Variants in TTLL5 observed in about 807,000 individuals in gnomAD.
TTLL5 encodes tubulin tyrosine ligase like 5, also known as tubulin polyglutamylase TTLL5.
A neutral mutation model predicts 168.4 loss-of-function variants in TTLL5; 132 were observed. The ratio of observed to expected loss-of-function variants is 0.78; its 90% confidence interval spans 0.68 to 0.91. The LOEUF (loss-of-function observed/expected upper bound fraction) is 0.91, where lower values mean the gene tolerates loss of function less well. Ranked by LOEUF, TTLL5 falls within the 40% of genes least tolerant of loss-of-function variation. The pLI is 0.00. For missense variants in TTLL5, 1,545 were observed against 1,581.5 expected (o/e 0.98, Z 0.39); for synonymous variants, 546 against 558.6 (o/e 0.98, Z 0.32).
chr14:75,830,842 T>C (rs1595115692), intron 28 of TTLL5, among the ~76,000 whole-genome samples: 2 of 152,154 alleles, frequency 1.3e-5, no homozygotes, highest in African/African-American at 4.8e-5. Context: ...CACACAGGGC[T>C]CAGTTTATTG....
At chr14:75,702,240 C>G (rs377698482) in intron 7 of TTLL5, among the ~76,000 whole-genome samples, 2 of 152,238 alleles carry the variant, frequency 1.3e-5, no homozygotes, top group Non-Finnish European at 2.9e-5. Context: ...CCCTGAGTCT[C>G]CTGTGACATA....
At position 75,681,581 on chromosome 14, in the gene TTLL5, A is replaced by G. The variant is rs1212233539; in HGVS notation, c.218A>G (p.Asp73Gly). The part of the protein sequence containing the change: ...YHLSYKIVRT[D>G]SRLVRSILTA... ...TTGTCTTATAAGATTGTACGAACGG[A>G]CAGTCGCCTAGTACGCAGCATTCTG... The change falls in exon 4 of 32, where the codon GAC becomes GGC. Residue 73 changes from aspartate (D) to glycine (G), a missense_variant. By Grantham distance (94) the Asp-to-Gly change is moderately conservative (BLOSUM62 -1). Coordinates refer to ENST00000298832, the MANE Select transcript of TTLL5 (RefSeq NM_015072.5). The G allele has an allele frequency of 9.3e-6, 15 of 1,613,528 alleles. No individual in the cohort carries two copies. Among genetic ancestry groups the G allele is most frequent in the Non-Finnish European group, 1.3e-5 (15 of 1,179,942 alleles).
At chr14:75,724,570 A>G (rs28612737) in intron 12 of TTLL5, among the ~76,000 whole-genome samples, 339 of 152,304 alleles carry the variant, frequency 2.2e-3, no homozygotes, top group African/African-American at 7.7e-3. Context: ...CAGATATAGA[A>G]ATTGAAACCC....
At chr14:75,829,894 G>A (rs531369760) in intron 28 of TTLL5, among the ~76,000 whole-genome samples, 2 of 152,258 alleles carry the variant, frequency 1.3e-5, no homozygotes, top group East Asian at 3.9e-4. Flanking sequence ...AATCAAGCTG[G>A]CATATCCGTA....
intron 18 of TTLL5, among the ~76,000 whole-genome samples, chr14:75,759,305 A>G (rs1394895759): frequency 1.3e-5 from 2 of 152,138 alleles, no homozygotes; most frequent in East Asian, 3.9e-4. Flanking sequence ...GTGGTGGGAA[A>G]GTTGGGGGCA....
Position 75,874,933 on chromosome 14 carries a change from C to CCTTTTTTTTTTTTTTTTTT in TTLL5, c.3523-7752_3523-7751insCTTTTTTTTTTTTTTTTTT, listed in dbSNP as rs778792332. ...AGAGAAAAAAAAAGACACTGGGGGC[C>CCTTTTTTTTTTTTTTTTTT]TTTTTTTTTTTTTTTTTTGAGACGG... is the stretch of plus-strand genomic sequence containing the variant. On this transcript the variant is annotated intron_variant, in intron 29 of 31. Transcript: ENST00000298832. Among the ~76,000 whole-genome samples the CCTTTTTTTTTTTTTTTTTT allele has an allele frequency of 4.2e-3, 413 of 97,530 alleles. 78 individuals are homozygous for CCTTTTTTTTTTTTTTTTTT. Among genetic ancestry groups the CCTTTTTTTTTTTTTTTTTT allele is most frequent in the African/African-American group, 0.019 (384 of 20,366 alleles). 64.0% of individuals were successfully genotyped at this position (97,530 alleles called of 152,430 possible).
chr14:75,717,885 A>G lies in TTLL5; in HGVS notation c.765A>G (p.Gln255=). ...GGTTTGCAACTGTGCGATATGATCA[A>G]GGAGCCAAGAACATTCGGAACCAGT... ...LARFATVRYD[Q]GAKNIRNQFM... Residue 255 remains glutamine, a synonymous_variant, in exon 10 of 32, where the codon CAA becomes CAG. Transcript: ENST00000298832. 2 of 1,613,864 alleles carry G rather than the reference A, an allele frequency of 1.2e-6. No individual in the cohort carries two copies. The highest frequency in any genetic ancestry group is 1.7e-6 in the Non-Finnish European group (2 of 1,179,896).
chr14:75,946,579 A>G (rs2034780731), intron 31 of TTLL5, among the ~76,000 whole-genome samples: 1 of 152,244 alleles, frequency 6.6e-6, no homozygotes, highest in African/African-American at 2.4e-5. Flanking sequence ...CATGAATGCA[A>G]CAAATATGGA....
chr14:75,880,312 T>C (rs1204196837), intron 29 of TTLL5, among the ~76,000 whole-genome samples: 1 of 152,246 alleles, frequency 6.6e-6, no homozygotes, highest in African/African-American at 2.4e-5. Context: ...GAAAAAATTA[T>C]GAATTTGAAA....
intron 28 of TTLL5, among the ~76,000 whole-genome samples, chr14:75,854,179 G>A (rs929619662): frequency 3.3e-5 from 5 of 152,130 alleles, no homozygotes; most frequent in South Asian, 4.1e-4. Flanking sequence ...ATTCCCTTGC[G>A]TCTTTTTCCA....
chr14:75,891,691 T>C (rs1369910800), intron 30 of TTLL5, among the ~76,000 whole-genome samples: 1 of 152,176 alleles, frequency 6.6e-6, no homozygotes, highest in Non-Finnish European at 1.5e-5. Context: ...GTCATATGCA[T>C]CAAAGATCAG....
intron 15 of TTLL5, among the ~76,000 whole-genome samples, chr14:75,741,423 T>C (rs978112218): frequency 6.6e-6 from 1 of 152,018 alleles, no homozygotes. Flanking sequence ...ACCCAGAGAA[T>C]GTAGTTGATG....
intron 2 of TTLL5, among the ~76,000 whole-genome samples, chr14:75,667,758 T>TTG (rs1331530625): frequency 2.0e-4 from 29 of 142,246 alleles, no homozygotes; most frequent in Non-Finnish European, 4.6e-5. Flanking sequence ...TATGTTTTTT[T>TTG]TTTTTTTTTT....
chr14:75,821,084 A>G (rs1014808170), intron 28 of TTLL5, among the ~76,000 whole-genome samples: 1 of 152,172 alleles, frequency 6.6e-6, no homozygotes, highest in Non-Finnish European at 1.5e-5. Flanking sequence ...GAAGACTTGG[A>G]CATGGAGGAA....
intron 31 of TTLL5, among the ~76,000 whole-genome samples, chr14:75,905,019 G>A (rs1413672073): frequency 1.3e-5 from 2 of 152,190 alleles, no homozygotes; most frequent in East Asian, 1.9e-4. Flanking sequence ...TGTATTACAA[G>A]TAGATTTAAA....
intron 30 of TTLL5, among the ~76,000 whole-genome samples, chr14:75,899,784 G>C (rs1417965182): frequency 6.6e-6 from 1 of 152,008 alleles, no homozygotes. Context: ...GTGGATTGGG[G>C]GTTCCAGAGA....
intron 26 of TTLL5, among the ~76,000 whole-genome samples, chr14:75,789,535 A>T (rs1892568312): frequency 6.6e-6 from 1 of 152,200 alleles, no homozygotes; most frequent in Non-Finnish European, 1.5e-5. Flanking sequence ...TTAACATTGA[A>T]CTATTTTAAA....
intron 29 of TTLL5, among the ~76,000 whole-genome samples, chr14:75,881,044 G>C (rs566366536): frequency 5.3e-5 from 8 of 152,206 alleles, no homozygotes; most frequent in African/African-American, 1.9e-4. Context: ...CTCTTGGGTC[G>C]CTGGGACTAC....
At chr14:75,692,024 A>G in intron 6 of TTLL5, among the ~76,000 whole-genome samples, 1 of 152,220 alleles carries the variant, frequency 6.6e-6, no homozygotes, top group Non-Finnish European at 1.5e-5. Flanking sequence ...CACTAATTAA[A>G]TGAATCAACT....
Sources: allele counts gnomAD v4.1 joint callset (sites outside exome capture counted in the v4.1 genomes callset), GRCh38; gene constraint gnomAD v4.1.1; transcripts MANE v1.5; gene names NCBI Gene and HGNC (gene_info 2026-07-23, HGNC 2026-07-21).